The following SIPA1L3 variants were observed in gnomAD, a reference collection of about 807,000 sequenced individuals.
SIPA1L3 encodes the protein signal induced proliferation associated 1 like 3.
Under a neutral mutation model 150.1 loss-of-function variants are expected in SIPA1L3, and 59 were observed. That is an observed-to-expected ratio of 0.39 (90% CI 0.32 to 0.49). The LOEUF (loss-of-function observed/expected upper bound fraction) is 0.49, where lower values mean the gene tolerates loss of function less well. Ranked by LOEUF, SIPA1L3 falls within the 20% of genes least tolerant of loss-of-function variation. SIPA1L3 has a pLI of 0.86. For missense variants in SIPA1L3, 2,211 were observed against 2,489.5 expected (o/e 0.89, Z 2.38); for synonymous variants, 1,070 against 1,077.6 (o/e 0.99, Z 0.14).
chr19:38,050,895 C>T (rs1205035433), intron 2 of SIPA1L3, among the ~76,000 whole-genome samples: 1 of 152,030 alleles, frequency 6.6e-6, no homozygotes, highest in Non-Finnish European at 1.5e-5. Flanking sequence ...CCCATCTCTA[C>T]AAAAAATACA....
intron 1 of SIPA1L3, among the ~76,000 whole-genome samples, chr19:37,932,075 C>T (rs919705617): frequency 3.9e-5 from 6 of 152,216 alleles, no homozygotes; most frequent in South Asian, 2.1e-4. Flanking sequence ...GTCCAGCGAC[C>T]GTGTTTAATC....
intron 9 of SIPA1L3, among the ~76,000 whole-genome samples, chr19:38,122,168 C>T (rs945153885): frequency 1.5e-4 from 23 of 152,100 alleles, no homozygotes; most frequent in African/African-American, 5.6e-4. Flanking sequence ...TTGCAGTGAG[C>T]TGAGAGTGAG....
At chr19:38,194,282 C>T (rs970635282) in intron 18 of SIPA1L3, among the ~76,000 whole-genome samples, 1 of 152,096 alleles carries the variant, frequency 6.6e-6, no homozygotes, top group Non-Finnish European at 1.5e-5. Flanking sequence ...ACAGGTACTG[C>T]GCACACCACC....
At chr19:37,997,891 AAGAG>A (rs1207409219) in intron 1 of SIPA1L3, among the ~76,000 whole-genome samples, 1 of 151,396 alleles carries the variant, frequency 6.6e-6, no homozygotes, top group African/African-American at 2.4e-5. Flanking sequence ...AGAAAAGAAA[AAGAG>A]AGAGAGAGAG....
At chr19:38,134,712 A>AG (rs1568568983) in intron 10 of SIPA1L3, among the ~76,000 whole-genome samples, 1 of 23,990 alleles carries the variant, frequency 4.2e-5, no homozygotes, top group East Asian at 2.6e-3. Flanking sequence ...TTCAGGAAAA[A>AG]AAAAAAAAAA....
intron 6 of SIPA1L3, 31 bp downstream of exon 6, chr19:38,101,257 G>A: frequency 6.9e-7 from 1 of 1,451,746 alleles, no homozygotes; most frequent in South Asian, 1.4e-5. Flanking sequence ...ATCACAGTGA[G>A]CCACCACTGC....
chr19:38,192,168 A>T lies in SIPA1L3; in HGVS notation c.4454A>T (p.Asn1485Ile), dbSNP rs1972818772. The change falls in exon 17 of 22, where the codon AAT becomes ATT. Residue 1485 changes from asparagine to isoleucine, a missense_variant. Around this residue, in one of 5 missense-constraint regions of SIPA1L3, gnomAD observed 806 missense variants for 870.1 expected, o/e 0.93. Coordinates refer to ENST00000222345, the MANE Select transcript of SIPA1L3 (RefSeq NM_015073.3). ...PKKQVDTNTK[N>I]VFGQPRLRAS... ...AGGCAGGTGGACACGAACACCAAAA[A>T]TGTCTTTGGGCAACCGAGGTTGAGG... 6.2e-7 allele frequency: 1 copy of T among 1,609,560 alleles called. No homozygotes were observed. Among genetic ancestry groups the T allele is most frequent in the Non-Finnish European group, 8.5e-7 (1 of 1,178,280 alleles).
chr19:38,195,216 G>C (rs542100066), intron 18 of SIPA1L3, among the ~76,000 whole-genome samples: 1 of 152,250 alleles, frequency 6.6e-6, no homozygotes, highest in East Asian at 1.9e-4. Context: ...CTGCACGGCT[G>C]TTCTCTCCGC....
Position 38,082,586 on chromosome 19 carries a change from G to A in SIPA1L3, c.1021G>A (p.Ala341Thr), listed in dbSNP as rs148442622. ...GCCGTGGGTGTGTCAGAAGAGCTTCGCCCACTTCGACGTGCAGAGCATGCT... is the reference window on the plus strand; with the variant it reads ...GCCGTGGGTGTGTCAGAAGAGCTTCACCCACTTCGACGTGCAGAGCATGCT... ...SRPWVCQKSF[A>T]HFDVQSMLFD... The change falls in exon 3 of 22, where the codon GCC becomes ACC. Residue 341 changes from alanine to threonine, a missense_variant. Around this residue, in one of 5 missense-constraint regions of SIPA1L3, gnomAD observed 587 missense variants for 534.5 expected, o/e 1.10. Transcript: ENST00000222345. 2.8e-5 allele frequency: 45 copies of A among 1,603,950 alleles called. No homozygotes were observed. The highest frequency in any genetic ancestry group is 6.7e-5 in the Admixed American group (4 of 59,984).
chr19:38,077,017 C>T (rs1447245142), intron 2 of SIPA1L3, among the ~76,000 whole-genome samples: 1 of 152,178 alleles, frequency 6.6e-6, no homozygotes, highest in East Asian at 1.9e-4. Context: ...GAAGGAGGAT[C>T]TCAAGCTGGG....
In SIPA1L3 at chr19:38,082,570, G is replaced by A. The variant is rs139865930; in HGVS notation, c.1005G>A (p.Val335=). ...RSPPEASRPW[V]CQKSFAHFDV... Reference sequence around the variant, plus strand: ...CCCCGGAAGCCAGCAGGCCGTGGGTGTGTCAGAAGAGCTTCGCCCACTTCG... The same window carrying A: ...CCCCGGAAGCCAGCAGGCCGTGGGTATGTCAGAAGAGCTTCGCCCACTTCG... Residue 335 remains valine (V), a synonymous_variant, in exon 3 of 22, where the codon GTG becomes GTA. Coordinates refer to ENST00000222345, the MANE Select transcript of SIPA1L3 (RefSeq NM_015073.3). The A allele has an allele frequency of 4.1e-4, 652 of 1,604,072 alleles. 3 individuals carry two copies. In the African/African-American group the frequency reaches 8.0e-3, roughly 20 times the overall value.
At chr19:37,951,546 A>G (rs1395368538) in intron 1 of SIPA1L3, among the ~76,000 whole-genome samples, 2 of 151,948 alleles carry the variant, frequency 1.3e-5, no homozygotes, top group African/African-American at 2.4e-5. Flanking sequence ...ACTTTTGTAT[A>G]TTTTTCACAT....
chr19:37,999,019 A>ACC (rs1437896634), intron 1 of SIPA1L3, among the ~76,000 whole-genome samples: 89 of 151,772 alleles, frequency 5.9e-4, no homozygotes, highest in African/African-American at 2.1e-3. Context: ...ACACCCACAC[A>ACC]CACACAAAGA....
chr19:38,128,293 C>T (rs1293152794), intron 9 of SIPA1L3, among the ~76,000 whole-genome samples: 2 of 152,066 alleles, frequency 1.3e-5, no homozygotes, highest in Non-Finnish European at 2.9e-5. Flanking sequence ...TAAAAAGTGT[C>T]ACAGTGTGCC....
intron 10 of SIPA1L3, among the ~76,000 whole-genome samples, chr19:38,139,452 C>G (rs1381275393): frequency 6.6e-6 from 1 of 152,128 alleles, no homozygotes; most frequent in Non-Finnish European, 1.5e-5. Context: ...TGTGCACTGC[C>G]TGGAGACAGT....
intron 1 of SIPA1L3, among the ~76,000 whole-genome samples, chr19:38,007,222 G>A (rs1439043002): frequency 2.0e-5 from 3 of 152,212 alleles, no homozygotes; most frequent in South Asian, 2.1e-4. Flanking sequence ...GGAGACCAAG[G>A]CAGACGGATC....
At chr19:37,925,076 G>C (rs780371450) in intron 1 of SIPA1L3, among the ~76,000 whole-genome samples, 1 of 151,548 alleles carries the variant, frequency 6.6e-6, no homozygotes, top group Non-Finnish European at 1.5e-5. Flanking sequence ...ATTATGTACT[G>C]TACATGATTG....
chr19:38,013,731 T>C, intron 1 of SIPA1L3, among the ~76,000 whole-genome samples: 1 of 152,214 alleles, frequency 6.6e-6, no homozygotes, highest in Non-Finnish European at 1.5e-5. Context: ...GAAAAGGATA[T>C]TTATTGCAGC....
rs56232582 is a variant in SIPA1L3 at position 38,092,852 on chromosome 19, ATT to A, written c.1665+4022_1665+4023del. Among the ~76,000 whole-genome samples, 919 of 115,884 alleles carry A rather than the reference ATT, an allele frequency of 7.9e-3. 29 individuals are homozygous for A. The South Asian group carries it at 0.12, about 15-fold the overall frequency. 76.0% of individuals were successfully genotyped at this position (115,884 alleles called of 152,430 possible). A position where few individuals can be genotyped will look rare whatever the true frequency, so the allele number is the denominator to read the frequency against. On this transcript the variant is annotated intron_variant, in intron 4 of 21. Transcript: ENST00000222345. ...AATGATGAGTGTGGCAGGTGCTTAG[ATT>A]TTTTTTTTTTTTTTTTTTTTCCCGA...
Sources: gnomAD v4.1 joint callset for allele counts (sites outside exome capture counted in the v4.1 genomes callset) on GRCh38, gnomAD v4.1.1 for gene constraint, gnomAD v4.1.1 regional missense constraint, MANE v1.5 for transcripts, NCBI Gene and HGNC (gene_info 2026-07-23, HGNC 2026-07-21) for gene names.